MYOM1: variants seen among roughly 807,000 people sequenced by gnomAD.
MYOM1 encodes myomesin 1, also known as myomesin-1.
In MYOM1, 164 loss-of-function variants were observed where a neutral mutation model predicts 205.3. The ratio of observed to expected loss-of-function variants is 0.80; its 90% CI spans 0.70 to 0.91. MYOM1 has a LOEUF of 0.91. MYOM1 is among the 40% of genes least tolerant of loss of function. The probability of loss-of-function intolerance (pLI) is 0.00; values close to 1 mark genes in which losing one functional copy is unlikely to be tolerated. For synonymous variants in MYOM1, 772 were observed against 789.4 expected, an observed-to-expected ratio of 0.98 and a Z score of 0.37; for missense variants, 2,011 against 2,127.3, an observed-to-expected ratio of 0.95 and a Z score of 1.08.
At position 3,120,143 on chromosome 18, in the gene MYOM1, G is replaced by C. The variant is rs113651880; in HGVS notation, c.2992-148C>G. The C allele has an allele frequency of 2.5e-5, 28 of 1,129,294 alleles. No individual in the cohort carries two copies. The African/African-American group carries it at 3.0e-4, about 12-fold the overall frequency. The allele number at this position is 1,129,294 out of a possible 1,614,324, so 70.0% of individuals were successfully genotyped here. ...TCACACCCCTTTTGTAATCTCCTGG[G>C]TGTGGATGAAACCGTGACCTCCTTG... On this transcript the variant is annotated intron_variant, in intron 19 of 37. Coordinates refer to ENST00000356443, the MANE Select transcript of MYOM1 (RefSeq NM_003803.4).
intron 10 of MYOM1, among the ~76,000 whole-genome samples, chr18:3,161,056 CTT>C (rs2080383877): frequency 6.6e-6 from 1 of 152,216 alleles, no homozygotes; most frequent in Non-Finnish European, 1.5e-5. Context: ...GAAGCAAAGA[CTT>C]AGCTTAGTTC....
chr18:3,185,779 C>G (rs986743035), intron 5 of MYOM1, among the ~76,000 whole-genome samples: 3 of 152,038 alleles, frequency 2.0e-5, no homozygotes, highest in Admixed American at 2.0e-4. Context: ...GATTTTTATT[C>G]TTTGGTTTTC....
chr18:3,217,187 C>G (rs1329403601), intron 1 of MYOM1: 1 of 152,276 alleles, frequency 6.6e-6, no homozygotes, highest in African/African-American at 2.4e-5. Flanking sequence ...GTCCATGGCG[C>G]TTAGCTATGA....
rs1159244492 is a variant in MYOM1 at position 3,070,776 on chromosome 18, A to ACG, written c.4764+1056_4764+1057dup. On this transcript the variant is annotated intron_variant, in intron 37 of 37. Coordinates refer to ENST00000356443, the MANE Select transcript of MYOM1 (RefSeq NM_003803.4). ...TGTGTGTGTGTGTGTGTGTGTGTGC[A>ACG]CGTGTGTGTGTTTGTATGACAGGGT... Among the ~76,000 whole-genome samples, 206 of 117,470 alleles carry ACG rather than the reference A, an allele frequency of 1.8e-3. 2 individuals carry two copies. The highest frequency in any genetic ancestry group is 5.3e-3 in the African/African-American group (189 of 35,734). 77.1% of individuals were successfully genotyped at this position (117,470 alleles called of 152,430 possible).
intron 2 of MYOM1, among the ~76,000 whole-genome samples, chr18:3,194,980 G>T (rs2144179811): frequency 6.6e-6 from 1 of 152,104 alleles, no homozygotes; most frequent in East Asian, 1.9e-4. Context: ...GGTGAACAGG[G>T]GTATTGTGGC....
intron 5 of MYOM1, among the ~76,000 whole-genome samples, chr18:3,177,225 T>A (rs7505606): frequency 0.087 from 13,175 of 151,990 alleles, 719 homozygotes; most frequent in African/African-American, 0.15. Flanking sequence ...GGCAACAGAG[T>A]GAGACCGTGT....
chr18:3,172,764 G>A (rs757950027), intron 8 of MYOM1, among the ~76,000 whole-genome samples: 8 of 152,110 alleles, frequency 5.3e-5, no homozygotes, highest in Admixed American at 5.2e-4. Context: ...ACCCACCTCC[G>A]CCTCGCAAAG....
upstream of MYOM1, among the ~76,000 whole-genome samples, chr18:3,220,375 C>T (rs1372237844): frequency 6.6e-6 from 1 of 152,142 alleles, no homozygotes. Context: ...TTGAAGCTAA[C>T]TAAAGGCAAA....
intron 13 of MYOM1, among the ~76,000 whole-genome samples, chr18:3,148,785 G>A (rs906171722): frequency 3.1e-5 from 4 of 128,964 alleles, no homozygotes; most frequent in South Asian, 2.7e-4. Context: ...GGCGGAGCTT[G>A]TAGTGAGCCG....
chr18:3,154,784 CAG>C (rs1431610484), intron 11 of MYOM1, among the ~76,000 whole-genome samples, 161 bp downstream of exon 11: 2 of 151,300 alleles, frequency 1.3e-5, no homozygotes, highest in East Asian at 3.9e-4. Flanking sequence ...GAGACTGAGA[CAG>C]AGACAAATAG....
intron 25 of MYOM1, 142 bp from the exon 26 acceptor site, chr18:3,094,448 G>T: frequency 1.2e-6 from 1 of 856,704 alleles, no homozygotes; most frequent in Non-Finnish European, 1.7e-6. Context: ...CCCAGAGGCA[G>T]TGAGAGTTGC....
At position 3,097,653 on chromosome 18, in the gene MYOM1, C is replaced by T. The variant is rs570119531; in HGVS notation, c.3727+2506G>A. On this transcript the variant is annotated intron_variant, in intron 25 of 37. Coordinates refer to ENST00000356443, the MANE Select transcript of MYOM1 (RefSeq NM_003803.4). ...AACTCCTGGGCTCAAGTGATCCTCCCGCCTTGGCTTTCCTAAGTGCTGGGA... is the reference window on the plus strand; with the variant it reads ...AACTCCTGGGCTCAAGTGATCCTCCTGCCTTGGCTTTCCTAAGTGCTGGGA... 8.5e-5 allele frequency among the ~76,000 whole-genome samples: 13 copies of T among 152,204 alleles called. 1 individual carries two copies. The South Asian group carries it at 2.1e-3, about 24-fold the overall frequency.
chr18:3,179,018 C>T lies in MYOM1; in HGVS notation c.930-2884G>A, dbSNP rs923998982. Among the ~76,000 whole-genome samples the T allele has an allele frequency of 1.3e-5, 2 of 152,110 alleles. No individual in the cohort carries two copies. Among genetic ancestry groups the T allele is most frequent in the African/African-American group, 4.8e-5 (2 of 41,418 alleles). On this transcript the variant is annotated intron_variant, in intron 5 of 37. Transcript: ENST00000356443. The surrounding 1 kb of genome is among the most constrained non-coding windows in gnomAD (Gnocchi z 4.4). ...AAGTAGCTGGGACTACAAGTGTGCA[C>T]CACCACACTCAGCTAATTTTTTCTA...
At chr18:3,113,162 G>A (rs12956642) in intron 21 of MYOM1, among the ~76,000 whole-genome samples, 13,259 of 20,266 alleles carry the variant, frequency 0.65, 4,797 homozygotes, top group East Asian at 0.93. Flanking sequence ...TTGTATGACA[G>A]TCCCACTTCA....
the MYOM1 span, among the ~76,000 whole-genome samples, chr18:3,237,358 T>C: frequency 6.6e-6 from 1 of 151,800 alleles, no homozygotes; most frequent in Non-Finnish European, 1.5e-5. Flanking sequence ...CCCAGCACGG[T>C]GGGAGGCTGA....
intron 23 of MYOM1, 25 bp downstream of exon 23, chr18:3,102,449 T>C (rs764709911): frequency 5.7e-6 from 9 of 1,575,568 alleles, no homozygotes; most frequent in Middle Eastern, 1.7e-4. Flanking sequence ...AGGAAACCCA[T>C]GATTGTGATT....
At chr18:3,167,443 G>T (rs1432846028) in intron 9 of MYOM1, among the ~76,000 whole-genome samples, 2 of 152,204 alleles carry the variant, frequency 1.3e-5, no homozygotes, top group Non-Finnish European at 2.9e-5. Context: ...GAGTGCAATG[G>T]CGCAATCTTG....
chr18:3,080,278 T>C (rs1392758221), intron 33 of MYOM1, among the ~76,000 whole-genome samples: 1 of 152,096 alleles, frequency 6.6e-6, no homozygotes, highest in Non-Finnish European at 1.5e-5. Flanking sequence ...TACTATTATA[T>C]TATAGTTTTT....
At chr18:3,174,332 T>C in intron 6 of MYOM1, 124 bp from the exon 7 acceptor site, 1 of 741,014 alleles carries the variant, frequency 1.3e-6, no homozygotes, top group Non-Finnish European at 2.3e-6. Context: ...CATGGCTCTT[T>C]GGTTCTCCTG....
Sources: gnomAD v4.1 joint callset for allele counts (sites outside exome capture counted in the v4.1 genomes callset) on GRCh38, gnomAD v4.1.1 for gene constraint, Gnocchi (gnomAD v3.1) non-coding constraint, MANE v1.5 for transcripts, NCBI Gene and HGNC (gene_info 2026-07-23, HGNC 2026-07-21) for gene names.